ASTN1: variants seen among roughly 807,000 people sequenced by gnomAD.
The protein encoded by ASTN1 is astrotactin 1.
A neutral mutation model predicts 140.7 loss-of-function variants in ASTN1; 41 were observed. That is an observed-to-expected ratio of 0.29 (90% confidence interval 0.23 to 0.38). ASTN1 has a LOEUF of 0.38. Ranked by LOEUF, ASTN1 falls within the 10% of genes least tolerant of loss-of-function variation. The pLI, the probability that ASTN1 is intolerant of heterozygous loss-of-function variation, is 1.00. For synonymous variants in ASTN1, 640 were observed against 652.2 expected (o/e 0.98, Z 0.29); for missense variants, 1,479 against 1,678.8 (o/e 0.88, Z 2.08).
chr1:176,946,518 T>C (rs1671965972), intron 12 of ASTN1, among the ~76,000 whole-genome samples: 3 of 152,216 alleles, frequency 2.0e-5, no homozygotes, highest in Admixed American at 6.5e-5. Flanking sequence ...AGACCCTGCA[T>C]TTGTTTGAAG....
intron 1 of ASTN1, among the ~76,000 whole-genome samples, chr1:177,157,757 AT>A (rs1253897680): frequency 1.3e-5 from 2 of 151,970 alleles, no homozygotes; most frequent in Non-Finnish European, 2.9e-5. Flanking sequence ...TAACACTCGT[AT>A]TTTATTTTGT....
chr1:176,931,564 A>C (rs560266559), intron 16 of ASTN1, among the ~76,000 whole-genome samples: 88 of 152,230 alleles, frequency 5.8e-4, no homozygotes, highest in Admixed American at 5.0e-3. Context: ...ATGGCAAACC[A>C]CATAGTGTTA....
intron 1 of ASTN1, among the ~76,000 whole-genome samples, chr1:177,146,693 T>G (rs986279385): frequency 6.6e-6 from 1 of 152,226 alleles, no homozygotes; most frequent in Admixed American, 6.5e-5. Context: ...ATGTTAATTT[T>G]TCTCTTGAAA....
intron 1 of ASTN1, among the ~76,000 whole-genome samples, chr1:177,124,028 G>T (rs1681524950): frequency 1.3e-5 from 2 of 152,186 alleles, no homozygotes; most frequent in South Asian, 4.1e-4. Flanking sequence ...TTTTGAGGAA[G>T]ACTTTCAGCC....
At chr1:177,136,381 C>T (rs112683066) in intron 1 of ASTN1, among the ~76,000 whole-genome samples, 3,480 of 141,398 alleles carry the variant, frequency 0.025, 136 homozygotes, top group African/African-American at 0.085. Context: ...GAGACAGGGT[C>T]TCTCTCTGTC....
intron 8 of ASTN1, among the ~76,000 whole-genome samples, chr1:176,988,136 A>C (rs1017674970): frequency 6.6e-6 from 1 of 152,132 alleles, no homozygotes; most frequent in African/African-American, 2.4e-5. Flanking sequence ...GAGGTAGTTG[A>C]AAATGGAGCC....
chr1:177,036,293 C>T (rs535814646), intron 2 of ASTN1, among the ~76,000 whole-genome samples: 8 of 151,680 alleles, frequency 5.3e-5, no homozygotes, highest in South Asian at 2.1e-4. Context: ...GTGATCCACC[C>T]GCCTCAGCCT....
chr1:176,913,504 A>G (rs989059022), intron 16 of ASTN1, among the ~76,000 whole-genome samples: 52 of 151,880 alleles, frequency 3.4e-4, no homozygotes, highest in African/African-American at 1.2e-3. Context: ...GATAATAGTA[A>G]TAATAACAGC....
chr1:177,136,232 A>G (rs942933957), intron 1 of ASTN1, among the ~76,000 whole-genome samples: 15 of 152,002 alleles, frequency 9.9e-5, no homozygotes, highest in Non-Finnish European at 1.5e-4. Flanking sequence ...TCCCAGCTGG[A>G]TTGCCTTAGG....
chr1:176,983,772 T>G (rs1673747063), intron 8 of ASTN1, among the ~76,000 whole-genome samples: 1 of 152,222 alleles, frequency 6.6e-6, no homozygotes, highest in African/African-American at 2.4e-5. Flanking sequence ...CCCTGTACTG[T>G]GCATACCAGC....
At chr1:176,881,125 A>G (rs2103024723) in intron 20 of ASTN1, among the ~76,000 whole-genome samples, 1 of 152,268 alleles carries the variant, frequency 6.6e-6, no homozygotes, top group Middle Eastern at 3.4e-3. Context: ...CTTCCGGGAG[A>G]GGAATGTCAC....
intron 16 of ASTN1, among the ~76,000 whole-genome samples, chr1:176,929,412 C>T (rs1671108309): frequency 6.6e-6 from 1 of 152,146 alleles, no homozygotes; most frequent in Non-Finnish European, 1.5e-5. Flanking sequence ...AGGCCGCTTG[C>T]TAAGGAATGC....
At chr1:177,105,519 C>A (rs370099381) in intron 1 of ASTN1, among the ~76,000 whole-genome samples, 1 of 151,982 alleles carries the variant, frequency 6.6e-6, no homozygotes, top group East Asian at 1.9e-4. Context: ...GCTGAGAGCA[C>A]AATTTGGAAA....
intron 2 of ASTN1, among the ~76,000 whole-genome samples, chr1:177,055,791 A>G (rs1218855721): frequency 2.0e-5 from 3 of 152,216 alleles, no homozygotes; most frequent in Admixed American, 6.5e-5. Context: ...AGTTGAATGA[A>G]AAAAATACTA....
At chr1:176,892,889 A>G (rs945092999) in intron 17 of ASTN1, among the ~76,000 whole-genome samples, 3 of 152,176 alleles carry the variant, frequency 2.0e-5, no homozygotes, top group African/African-American at 7.2e-5. Context: ...AGGAAGAAAC[A>G]TGTGACAGTG....
intron 1 of ASTN1, among the ~76,000 whole-genome samples, chr1:177,152,220 C>T (rs566901743): frequency 1.3e-5 from 2 of 152,230 alleles, no homozygotes; most frequent in South Asian, 4.1e-4. Context: ...AAAGATGCTA[C>T]ATGTACACAG....
At chr1:176,935,442 A>G (rs546350554) in intron 15 of ASTN1, among the ~76,000 whole-genome samples, 1 of 152,316 alleles carries the variant, frequency 6.6e-6, no homozygotes, top group Admixed American at 6.5e-5. Flanking sequence ...TCTGTCAGTG[A>G]GGTCCCCATC....
At chr1:176,940,348 A>G (rs931901084) in intron 14 of ASTN1, among the ~76,000 whole-genome samples, 1 of 152,216 alleles carries the variant, frequency 6.6e-6, no homozygotes, top group African/African-American at 2.4e-5. Flanking sequence ...AAGCCAAAAA[A>G]TAACCACTAT....
chr1:176,917,514 G>A (rs1670538982), intron 16 of ASTN1, among the ~76,000 whole-genome samples: 1 of 152,138 alleles, frequency 6.6e-6, no homozygotes, highest in Non-Finnish European at 1.5e-5. Context: ...CCAAAGACAT[G>A]CCCGGGCAGT....
Sources: allele counts gnomAD v4.1 joint callset (sites outside exome capture counted in the v4.1 genomes callset), GRCh38; gene constraint gnomAD v4.1.1; transcripts MANE v1.5; gene names NCBI Gene and HGNC (gene_info 2026-07-23, HGNC 2026-07-21).